The following MGST1 variants were observed in gnomAD, a reference collection of about 807,000 sequenced individuals.
MGST1 encodes glutathione S-transferase 12.
A neutral mutation model predicts 8.9 loss-of-function variants in MGST1; 5 were observed. That is an observed-to-expected ratio of 0.56 (90% CI 0.29 to 1.19). The LOEUF (loss-of-function observed/expected upper bound fraction) is 1.19. Ranked by LOEUF, MGST1 falls within the 50% of genes most tolerant of loss-of-function variation. The pLI is 0.08. For synonymous variants in MGST1, 54 were observed against 67.8 expected (o/e 0.80, Z 1.00); for missense variants, 182 against 187.4 (o/e 0.97, Z 0.17).
chr12:16,491,236 C>T (rs1941435978), intron 4 of MGST1, among the ~76,000 whole-genome samples: 1 of 152,160 alleles, frequency 6.6e-6, no homozygotes, highest in South Asian at 2.1e-4. Context: ...ACATATCACC[C>T]TGATCCCAAT....
chr12:16,365,802 T>G (rs1467945556), downstream of MGST1, among the ~76,000 whole-genome samples: 1 of 152,206 alleles, frequency 6.6e-6, no homozygotes, highest in Admixed American at 6.5e-5. Flanking sequence ...ACTTATGCTG[T>G]CTGATCTGCA....
intron 1 of MGST1, among the ~76,000 whole-genome samples, chr12:16,387,163 CTT>C (rs1187356879): frequency 2.0e-5 from 3 of 151,966 alleles, no homozygotes; most frequent in African/African-American, 7.3e-5. Flanking sequence ...ATAAATTAAA[CTT>C]TATCATAGTG....
At chr12:16,583,787 A>G (rs993119411) in intron 4 of MGST1, among the ~76,000 whole-genome samples, 2 of 152,190 alleles carry the variant, frequency 1.3e-5, no homozygotes, top group African/African-American at 4.8e-5. Flanking sequence ...TAGCACAGGC[A>G]TGGGAGGAGA....
chr12:16,547,548 G>A lies in MGST1; in HGVS notation n.483-41980G>A, dbSNP rs535430118. On this transcript the variant is annotated intron_variant and non_coding_transcript_variant, in intron 4 of 4. Transcript: ENST00000538857. This position sits in a 1 kb window ranked among gnomAD's most constrained non-coding sequence, Gnocchi z 4.6. Reference sequence around the variant, plus strand: ...CAAACCAGTGCAAAGACATGTTAAAGTTATTTGATCTAGGCCAACCCTAAG... The same window carrying A: ...CAAACCAGTGCAAAGACATGTTAAAATTATTTGATCTAGGCCAACCCTAAG... Among the ~76,000 whole-genome samples the A allele has an allele frequency of 6.6e-6, 1 of 152,110 alleles. No homozygotes were observed. The highest frequency in any genetic ancestry group is 1.5e-5 in the Non-Finnish European group (1 of 68,014).
At position 16,364,203 on chromosome 12, in the gene MGST1, G is replaced by A. The variant is rs891860116; in HGVS notation, c.*162G>A. ...AGCATTGCCAATATCCTGTATTCTT[G>A]TTTTACATTTGGATTAGAAATTTAA... is the stretch of plus-strand genomic sequence containing the variant. On this transcript the variant is annotated 3_prime_UTR_variant, in exon 4 of 4. Transcript: ENST00000396210. This position sits in a 1 kb window ranked among gnomAD's most constrained non-coding sequence, Gnocchi z 5.7. 10 of 1,288,240 alleles carry A rather than the reference G, an allele frequency of 7.8e-6. No individual in the cohort carries two copies. The highest frequency in any genetic ancestry group is 9.8e-6 in the Non-Finnish European group (10 of 1,017,372). 79.8% of individuals were successfully genotyped at this position (1,288,240 alleles called of 1,614,324 possible). A position where few individuals can be genotyped will look rare whatever the true frequency, so the allele number is the denominator to read the frequency against.
intron 4 of MGST1, chr12:16,551,104 CT>C: frequency 1.5e-6 from 1 of 668,824 alleles, no homozygotes; most frequent in Non-Finnish European, 2.7e-6. Context: ...TATAACCATC[CT>C]GCCTTCCTAT....
At chr12:16,451,993 C>T (rs1941132799) in intron 4 of MGST1, among the ~76,000 whole-genome samples, 2 of 151,846 alleles carry the variant, frequency 1.3e-5, no homozygotes, top group African/African-American at 4.8e-5. Context: ...ACTGGACCCC[C>T]TCCAGCCAGA....
rs1941761772 is a variant in MGST1, at chr12:16,537,298, T to C, written n.483-52230T>C. On this transcript the variant is annotated intron_variant and non_coding_transcript_variant, in intron 4 of 4. Coordinates refer to the MGST1 transcript ENST00000538857. This position sits in a 1 kb window ranked among gnomAD's most constrained non-coding sequence, Gnocchi z 4.6. ...ATGCAAGAGGTAGGTTCCCATAGTC[T>C]TGGGCAACTCCACCCCTATGGCTTT... Among the ~76,000 whole-genome samples, 2 of 152,228 alleles carry C rather than the reference T, an allele frequency of 1.3e-5. No homozygotes were observed. Among genetic ancestry groups the C allele is most frequent in the Admixed American group, 1.3e-4 (2 of 15,288 alleles).
intron 4 of MGST1, among the ~76,000 whole-genome samples, chr12:16,553,291 T>G (rs1942061515): frequency 6.6e-6 from 1 of 152,136 alleles, no homozygotes; most frequent in Non-Finnish European, 1.5e-5. Context: ...CAGGCCTTTT[T>G]GGATTCAAGA....
At chr12:16,365,028 A>C (rs950039616), downstream of MGST1, among the ~76,000 whole-genome samples, 1 of 152,192 alleles carries the variant, frequency 6.6e-6, no homozygotes, top group Non-Finnish European at 1.5e-5. Flanking sequence ...TAAAACATCA[A>C]CAGGCATATG....
intron 4 of MGST1, among the ~76,000 whole-genome samples, chr12:16,529,015 G>A (rs983109511): frequency 6.6e-6 from 1 of 151,914 alleles, no homozygotes; most frequent in Non-Finnish European, 1.5e-5. Flanking sequence ...AGGAGAAGGG[G>A]CTTAAGTTGA....
At chr12:16,470,902 C>A (rs564019408) in intron 4 of MGST1, among the ~76,000 whole-genome samples, 1 of 152,260 alleles carries the variant, frequency 6.6e-6, no homozygotes, top group South Asian at 2.1e-4. Context: ...ACCAACCTCC[C>A]TTTATTTGAG....
rs549715846 is a variant in MGST1, at chr12:16,458,509, C to T, written n.482+74905C>T. On this transcript the variant is annotated intron_variant and non_coding_transcript_variant, in intron 4 of 4. Coordinates refer to the MGST1 transcript ENST00000538857. The surrounding 1 kb of genome is among the most constrained non-coding windows in gnomAD (Gnocchi z 4.0). ...ACAATGAAATAGGTCCATTAACATACGATGCTATTGGTGAAACTTTATTTA... is the reference window on the plus strand; with the variant it reads ...ACAATGAAATAGGTCCATTAACATATGATGCTATTGGTGAAACTTTATTTA... Among the ~76,000 whole-genome samples, 5 of 152,074 alleles carry T rather than the reference C, an allele frequency of 3.3e-5. No homozygotes were observed. The highest frequency in any genetic ancestry group is 3.4e-3 in the Middle Eastern group (1 of 294).
chr12:16,382,023 T>C (rs1211370899), downstream of MGST1, among the ~76,000 whole-genome samples: 1 of 152,180 alleles, frequency 6.6e-6, no homozygotes, highest in Non-Finnish European at 1.5e-5. Flanking sequence ...TTGGTTATTC[T>C]AGTTATCCAT....
intron 1 of MGST1, 97 bp from the exon 2 acceptor site, chr12:16,354,134 G>T: frequency 1.1e-6 from 1 of 878,016 alleles, no homozygotes; most frequent in Non-Finnish European, 1.7e-6. Context: ...TTTAAGAACA[G>T]TATAATTAAT....
intron 4 of MGST1, among the ~76,000 whole-genome samples, chr12:16,583,629 T>A (rs1025912256): frequency 6.6e-6 from 1 of 152,188 alleles, no homozygotes; most frequent in African/African-American, 2.4e-5. Flanking sequence ...CTGATTTATA[T>A]CAAACCTGAT....
chr12:16,431,069 C>T (rs1940935931), intron 1 of MGST1, among the ~76,000 whole-genome samples: 1 of 152,200 alleles, frequency 6.6e-6, no homozygotes, highest in Admixed American at 6.5e-5. Flanking sequence ...GGCATCTCTC[C>T]TTAAACCTCA....
downstream of MGST1, chr12:16,367,440 A>G (rs1402719203): frequency 6.6e-6 from 1 of 152,212 alleles, no homozygotes; most frequent in Non-Finnish European, 1.5e-5. Context: ...TAACTGTCTC[A>G]TGGCCTGGTC....
intron 4 of MGST1, among the ~76,000 whole-genome samples, chr12:16,471,162 A>G (rs1251119713): frequency 6.6e-6 from 1 of 152,210 alleles, no homozygotes; most frequent in African/African-American, 2.4e-5. Flanking sequence ...TTAAAAATAC[A>G]TAACTGCTGT....
Sources: gnomAD v4.1 joint callset for allele counts (sites outside exome capture counted in the v4.1 genomes callset) on GRCh38, gnomAD v4.1.1 for gene constraint, Gnocchi (gnomAD v3.1) non-coding constraint, MANE v1.5 for transcripts, NCBI Gene and HGNC (gene_info 2026-07-23, HGNC 2026-07-21) for gene names.